Variants in SGCD observed in about 807,000 individuals in gnomAD.
SGCD encodes the protein sarcoglycan delta.
Under a neutral mutation model 36.6 loss-of-function variants are expected in SGCD, and 18 were observed. That is an observed-to-expected ratio of 0.49 (90% CI 0.34 to 0.73). The LOEUF is 0.73. Among genes scored for constraint, SGCD ranks in the 30% least tolerant of loss-of-function variants. The pLI is 0.01. For missense variants in SGCD, 387 were observed against 346.7 expected, an observed-to-expected ratio of 1.12 and a Z score of -0.92; for synonymous variants, 133 against 130.6, an observed-to-expected ratio of 1.02 and a Z score of -0.12.
At chr5:156,757,282 A>AAG (rs1352082084) in intron 7 of SGCD, among the ~76,000 whole-genome samples, 13 of 150,164 alleles carry the variant, frequency 8.7e-5, no homozygotes, top group Middle Eastern at 3.4e-3. Context: ...AAAAAAAAAA[A>AAG]AAAAAAAAGC....
Position 156,619,067 on chromosome 5 carries a change from C to T in SGCD, c.502+24016C>T, listed in dbSNP as rs888589571. ...CTGAGACAGCGTATCGCTCTGTTGC[C>T]CAGGCTGGAGTGCAGTGGCGCCATC... On this transcript the variant is annotated intron_variant, in intron 6 of 8. Coordinates refer to ENST00000337851, the MANE Select transcript of SGCD (RefSeq NM_000337.6). Among the ~76,000 whole-genome samples, 16 of 151,564 alleles carry T rather than the reference C, an allele frequency of 1.1e-4. No homozygotes were observed. The South Asian group carries it at 1.3e-3, about 12-fold the overall frequency.
Position 156,477,849 on chromosome 5 carries a change from C to T in SGCD, c.193-30752C>T, listed in dbSNP as rs570171991. On this transcript the variant is annotated intron_variant, in intron 3 of 8. Transcript: ENST00000337851. ...TGTCATTAGGTGCAAAATGCAGCAT[C>T]TCTACAAGAATATTCTCTGGAATGT... 2.0e-5 allele frequency among the ~76,000 whole-genome samples: 3 copies of T among 152,244 alleles called. No individual in the cohort carries two copies. The East Asian group carries it at 5.8e-4, about 29-fold the overall frequency.
intron 7 of SGCD, among the ~76,000 whole-genome samples, chr5:156,707,631 C>G (rs182062120): frequency 2.6e-5 from 4 of 152,192 alleles, no homozygotes; most frequent in Non-Finnish European, 5.9e-5. Flanking sequence ...TTATTCCTTT[C>G]CTTTTAGGGG....
At chr5:156,521,143 T>C (rs2113037491) in intron 4 of SGCD, among the ~76,000 whole-genome samples, 1 of 151,934 alleles carries the variant, frequency 6.6e-6, no homozygotes, top group East Asian at 1.9e-4. Context: ...CAGAACTGGC[T>C]AGCCATATGC....
chr5:156,393,086 T>C (rs1324327045), intron 3 of SGCD, among the ~76,000 whole-genome samples: 4 of 152,182 alleles, frequency 2.6e-5, no homozygotes, highest in Non-Finnish European at 5.9e-5. Flanking sequence ...TACCCAGCAC[T>C]TCCCTGCCCC....
rs983042079 is a variant in SGCD at position 156,640,464 on chromosome 5, G to T, written c.503-7000G>T. On this transcript the variant is annotated intron_variant, in intron 6 of 8. Transcript: ENST00000337851. ...TTAAAAATGGATTTAAATATTTTTT[G>T]CAATATCCACCTGTGTTGCTACAAT... 2.3e-5 allele frequency among the ~76,000 whole-genome samples: 3 copies of T among 129,458 alleles called. No individual in the cohort carries two copies. In the East Asian group the frequency reaches 5.9e-4, roughly 25 times the overall value. The allele number at this position is 129,458 out of a possible 152,430, so 84.9% of individuals were successfully genotyped here.
At chr5:156,662,909 C>T (rs530198464) in intron 7 of SGCD, among the ~76,000 whole-genome samples, 15 of 150,766 alleles carry the variant, frequency 9.9e-5, no homozygotes, top group South Asian at 4.2e-4. Context: ...TTACCCACAC[C>T]GGTTTTTCTG....
chr5:155,792,596 A>G, the SGCD span, among the ~76,000 whole-genome samples: 1 of 152,178 alleles, frequency 6.6e-6, no homozygotes, highest in African/African-American at 2.4e-5. Flanking sequence ...TGGACAAAGG[A>G]CATGAGCAGA....
At chr5:156,449,882 T>C (rs148760292) in intron 3 of SGCD, among the ~76,000 whole-genome samples, 6 of 151,496 alleles carry the variant, frequency 4.0e-5, no homozygotes, top group Non-Finnish European at 8.8e-5. Flanking sequence ...AGAAACTTTT[T>C]CGACTTCAGA....
At chr5:155,827,381 G>A in the SGCD span, among the ~76,000 whole-genome samples, 2 of 152,144 alleles carry the variant, frequency 1.3e-5, no homozygotes, top group African/African-American at 4.8e-5. Context: ...CTTGTATGGT[G>A]TCCACTATCC....
At chr5:156,052,328 G>T (rs2127581486) in intron 1 of SGCD, among the ~76,000 whole-genome samples, 1 of 146,452 alleles carries the variant, frequency 6.8e-6, no homozygotes, top group Non-Finnish European at 1.5e-5. Flanking sequence ...AGAAGCCATT[G>T]TGGCTGGAAT....
chr5:156,249,621 C>T (rs1765525402), intron 3 of SGCD, among the ~76,000 whole-genome samples: 1 of 152,004 alleles, frequency 6.6e-6, no homozygotes, highest in Non-Finnish European at 1.5e-5. Context: ...CCTACCGTCA[C>T]ATGACCTTAG....
At chr5:156,581,098 C>T (rs557021060) in intron 4 of SGCD, among the ~76,000 whole-genome samples, 2 of 152,064 alleles carry the variant, frequency 1.3e-5, no homozygotes, top group Non-Finnish European at 2.9e-5. Flanking sequence ...TGTGGATGTC[C>T]TTTTTGTTGA....
At chr5:156,679,714 C>A (rs948223670) in intron 7 of SGCD, among the ~76,000 whole-genome samples, 9 of 152,182 alleles carry the variant, frequency 5.9e-5, no homozygotes, top group Non-Finnish European at 1.3e-4. Context: ...TCCAAAAAAT[C>A]CTGCGGCTAC....
intron 3 of SGCD, among the ~76,000 whole-genome samples, chr5:156,262,070 A>T (rs1013229260): frequency 6.6e-6 from 1 of 152,150 alleles, no homozygotes; most frequent in African/African-American, 2.4e-5. Context: ...TGAAGAAAAG[A>T]TATTTGTAAT....
At chr5:156,472,536 G>A (rs771135050) in intron 3 of SGCD, among the ~76,000 whole-genome samples, 22 of 152,044 alleles carry the variant, frequency 1.4e-4, no homozygotes, top group Non-Finnish European at 2.9e-4. Context: ...TTGTGCCTTG[G>A]ACTCCCAAGT....
At chr5:156,299,826 C>A (rs926255710) in intron 3 of SGCD, among the ~76,000 whole-genome samples, 7 of 151,968 alleles carry the variant, frequency 4.6e-5, no homozygotes, top group African/African-American at 1.7e-4. Flanking sequence ...CAGTTCTAAT[C>A]TTTTTTTGGT....
At chr5:156,084,331 C>A (rs376527991) in intron 1 of SGCD, among the ~76,000 whole-genome samples, 1 of 152,180 alleles carries the variant, frequency 6.6e-6, no homozygotes, top group African/African-American at 2.4e-5. Flanking sequence ...GTTTATGCCA[C>A]AGTATTTCAT....
intron 3 of SGCD, among the ~76,000 whole-genome samples, chr5:156,412,442 T>A (rs564256292): frequency 6.6e-6 from 1 of 152,348 alleles, no homozygotes; most frequent in East Asian, 1.9e-4. Flanking sequence ...GGGTAGCTAT[T>A]TTTTGAGAAT....
Sources: allele counts gnomAD v4.1 joint callset (sites outside exome capture counted in the v4.1 genomes callset), GRCh38; gene constraint gnomAD v4.1.1; transcripts MANE v1.5; gene names NCBI Gene and HGNC (gene_info 2026-07-23, HGNC 2026-07-21).